Variants in DNAH2 observed in about 807,000 individuals in gnomAD.
DNAH2 encodes axonemal beta dynein heavy chain 2.
DNAH2 carries 323 observed loss-of-function variants against 523.5 expected under a neutral mutation model. The ratio of observed to expected loss-of-function variants is 0.62; its 90% CI spans 0.56 to 0.68. The LOEUF is 0.68. DNAH2 is among the 30% of genes least tolerant of loss of function. DNAH2 has a pLI of 0.00. For missense variants in DNAH2, 4,907 were observed against 5,701.5 expected (o/e 0.86, Z 4.49); for synonymous variants, 2,093 against 2,177.4 (o/e 0.96, Z 1.08).
chr17:7,780,607 C>T lies in DNAH2; in HGVS notation c.5851-23C>T. ...GGATTTGTGGGGAGATGGACTGTTT[C>T]CTCCTCTGTTTTGGTTCCCCAGATT... On this transcript the variant is annotated intron_variant, in intron 37 of 85. Transcript: ENST00000572933. This position sits in a 1 kb window ranked among gnomAD's most constrained non-coding sequence, Gnocchi z 4.4. 1 of 1,612,586 alleles carries T rather than the reference C, an allele frequency of 6.2e-7. No homozygotes were observed. Among genetic ancestry groups the T allele is most frequent in the Non-Finnish European group, 8.5e-7 (1 of 1,179,298 alleles).
intron 14 of DNAH2, 26 bp downstream of exon 14, chr17:7,758,677 A>G: frequency 2.5e-6 from 4 of 1,599,794 alleles, no homozygotes; most frequent in East Asian, 2.2e-5. Context: ...TAGACCCTAA[A>G]GGTCTGCAAG....
chr17:7,830,542 T>C (rs1388196554), intron 78 of DNAH2, 51 bp downstream of exon 78: 1 of 1,606,932 alleles, frequency 6.2e-7, no homozygotes, highest in South Asian at 1.1e-5. Flanking sequence ...TTACACGTCC[T>C]ACCCCATGGC....
Position 7,761,509 on chromosome 17 carries a change from A to C in DNAH2, c.2978+577A>C, listed in dbSNP as rs191938544. On this transcript the variant is annotated intron_variant, in intron 18 of 85. Coordinates refer to ENST00000572933, the MANE Select transcript of DNAH2 (RefSeq NM_020877.5). ...GAAGAAAATCTTTTTTTTTTTTTCAAATATTTTTTTTTGAGACAGAGTCTC... is the reference window on the plus strand; with the variant it reads ...GAAGAAAATCTTTTTTTTTTTTTCACATATTTTTTTTTGAGACAGAGTCTC... 6.8e-4 allele frequency among the ~76,000 whole-genome samples: 103 copies of C among 150,744 alleles called. 1 individual carries two copies. The highest frequency in any genetic ancestry group is 2.3e-3 in the African/African-American group (95 of 41,054).
chr17:7,778,331 C>T lies in DNAH2; in HGVS notation c.5403C>T (p.Pro1801=), dbSNP rs764968232. Residue 1801 remains proline (P), a synonymous_variant, in exon 35 of 86, where the codon CCC becomes CCT. Transcript: ENST00000572933. ...TALHLHRGGS[P]KGPAGTGKTE... ...TGCACCTGCACCGAGGGGGCTCCCC[C>T]AAAGGCCCTGCAGGCACAGGCAAGA... The T allele has an allele frequency of 1.9e-6, 3 of 1,614,204 alleles. No individual in the cohort carries two copies. The highest frequency in any genetic ancestry group is 2.5e-6 in the Non-Finnish European group (3 of 1,180,036).
intron 49 of DNAH2, among the ~76,000 whole-genome samples, chr17:7,795,016 C>T (rs2077024009): frequency 6.6e-6 from 1 of 151,936 alleles, no homozygotes. Flanking sequence ...CAGCCTCCCA[C>T]CACACTTGGC....
At chr17:7,812,767 C>CAAAAA (rs59534940) in intron 63 of DNAH2, among the ~76,000 whole-genome samples, 2 of 23,820 alleles carry the variant, frequency 8.4e-5, no homozygotes, top group African/African-American at 1.8e-4. Flanking sequence ...CTAAAAATAC[C>CAAAAA]AAAAAAAAAA....
chr17:7,759,384 C>T, intron 15 of DNAH2, 38 bp from the exon 16 acceptor site: 2 of 1,576,516 alleles, frequency 1.3e-6, no homozygotes, highest in South Asian at 2.3e-5. Flanking sequence ...CCCTGTCTTC[C>T]CTGAAAAGTT....
intron 4 of DNAH2, among the ~76,000 whole-genome samples, chr17:7,730,031 A>G (rs573474592): frequency 9.2e-5 from 14 of 152,200 alleles, no homozygotes; most frequent in Admixed American, 3.9e-4. Flanking sequence ...AAAGAGGAAC[A>G]AAGCATGCAA....
Position 7,817,791 on chromosome 17 carries a change from T to A in DNAH2, c.10171T>A (p.Trp3391Arg). ...CTCTGACCTGTACTCCCCTTCCAGGTGGGCACTGATGATCGACCCTCAGGC... is the reference window on the plus strand; with the variant it reads ...CTCTGACCTGTACTCCCCTTCCAGGAGGGCACTGATGATCGACCCTCAGGC... ...NGIIVTRGNRWALMIDPQAQA... is the reference protein window; with the variant it reads ...NGIIVTRGNRRALMIDPQAQA... Residue 3391 changes from tryptophan (W) to arginine (R), a missense_variant and splice_region_variant, in exon 67 of 86, where the codon TGG becomes AGG. Around this residue, in one of 3 missense-constraint regions of DNAH2, gnomAD observed 1,851 missense variants for 2,139.4 expected, o/e 0.87. Transcript: ENST00000572933. 6.2e-7 allele frequency: 1 copy of A among 1,613,930 alleles called. No homozygotes were observed. The highest frequency in any genetic ancestry group is 8.5e-7 in the Non-Finnish European group (1 of 1,179,986).
chr17:7,817,756 A>G (rs1424481454), intron 66 of DNAH2, 34 bp from the exon 67 acceptor site: 19 of 1,613,886 alleles, frequency 1.2e-5, no homozygotes, highest in Admixed American at 1.7e-5. Context: ...CATGGGAGAG[A>G]GGGCCTCACC....
chr17:7,737,327 TGC>T, intron 8 of DNAH2, 69 bp downstream of exon 8: 14 of 1,508,604 alleles, frequency 9.3e-6, no homozygotes, highest in Non-Finnish European at 1.3e-5. Context: ...GCAGGGGGAA[TGC>T]ATTCGGCAGA....
chr17:7,817,838 G>GA lies in DNAH2; in HGVS notation c.10220dup (p.Asn3407LysfsTer67). On this transcript the variant is annotated frameshift_variant, in exon 67 of 86. Transcript: ENST00000572933. LOFTEE classifies it high-confidence loss of function. ...AGGCCCAGGCCCTGAAATGGATTAA[G>GA]AACATGGAAGGAGGCCAGGTGTGAG... The GA allele has an allele frequency of 6.2e-7, 1 of 1,614,048 alleles. No homozygotes were observed. The highest frequency in any genetic ancestry group is 1.7e-5 in the Admixed American group (1 of 60,022).
chr17:7,758,606 G>A lies in DNAH2; in HGVS notation c.2163G>A (p.Gly721=), dbSNP rs540036564. 1.9e-5 allele frequency: 30 copies of A among 1,614,106 alleles called. No individual in the cohort carries two copies. The highest frequency in any genetic ancestry group is 1.1e-4 in the South Asian group (10 of 91,052). The change falls in exon 14 of 86, where the codon GGG becomes GGA. Residue 721 remains glycine (G), a synonymous_variant. Transcript: ENST00000572933. ...AGAAACTGCACTGGGCCTTGAAGGG[G>A]GCCAGTGCCTTCTTCATCACGGAGT... The part of the protein sequence containing the change: ...GLKKLHWALK[G]ASAFFITECR...
rs2076541584 is a variant in DNAH2, at chr17:7,779,304, T to A, written c.5603T>A (p.Val1868Glu). The A allele has an allele frequency of 6.2e-7, 1 of 1,614,156 alleles. No homozygotes were observed. Among genetic ancestry groups the A allele is most frequent in the East Asian group, 2.2e-5 (1 of 44,874 alleles). The change falls in exon 36 of 86, where the codon GTG becomes GAG. Residue 1868 changes from valine to glutamate, a missense_variant. Val to Glu is a moderately radical substitution (Grantham distance 121). Transcript: ENST00000572933. Reference sequence around the variant, plus strand: ...ATCAACATCGAGGTGCTGTCAGTGGTGGCCCACCAGATCCTGTGCATCCTG... The same window carrying A: ...ATCAACATCGAGGTGCTGTCAGTGGAGGCCCACCAGATCCTGTGCATCCTG... ...NRINIEVLSV[V>E]AHQILCILSA...
intron 1 of DNAH2, among the ~76,000 whole-genome samples, chr17:7,719,060 C>G (rs1222113134): frequency 2.0e-5 from 3 of 151,102 alleles, no homozygotes. Flanking sequence ...TCCTGATTAT[C>G]TTATGTTCTC....
chr17:7,724,427 T>C (rs576962994), intron 3 of DNAH2, among the ~76,000 whole-genome samples: 1 of 152,240 alleles, frequency 6.6e-6, no homozygotes, highest in South Asian at 2.1e-4. Context: ...GAGACCAGCC[T>C]GGCCAACATA....
chr17:7,755,511 G>A (rs567374945), intron 12 of DNAH2, among the ~76,000 whole-genome samples: 2 of 152,324 alleles, frequency 1.3e-5, no homozygotes, highest in African/African-American at 2.4e-5. Flanking sequence ...GTCTGTGGAG[G>A]AGGAAGTGAA....
rs1252303318 is a variant in DNAH2 at position 7,821,754 on chromosome 17, T to C, written c.11142+385T>C. On this transcript the variant is annotated intron_variant, in intron 73 of 85. Coordinates refer to ENST00000572933, the MANE Select transcript of DNAH2 (RefSeq NM_020877.5). The surrounding 1 kb of genome is among the most constrained non-coding windows in gnomAD (Gnocchi z 5.0). ...TCTCTGTCGCATCTACCGCTCTGGC[T>C]AGATCCAGCTCCTCTTCCCCTCTGT... Among the ~76,000 whole-genome samples, 1 of 152,144 alleles carries C rather than the reference T, an allele frequency of 6.6e-6. No individual in the cohort carries two copies.
In DNAH2 at chr17:7,760,477, A is replaced by G. The variant is rs2075975486; in HGVS notation, c.2786-263A>G. ...TGGGATTTGGGATGGGAGATGAGGA[A>G]AGACAAGCTTGGGACTGGGACTGGG... is the stretch of plus-strand genomic sequence containing the variant. On this transcript the variant is annotated intron_variant, in intron 17 of 85. Coordinates refer to ENST00000572933, the MANE Select transcript of DNAH2 (RefSeq NM_020877.5). The surrounding 1 kb of genome is among the most constrained non-coding windows in gnomAD (Gnocchi z 4.0). 6.6e-6 allele frequency among the ~76,000 whole-genome samples: 1 copy of G among 152,100 alleles called. No individual in the cohort carries two copies. The highest frequency in any genetic ancestry group is 6.5e-5 in the Admixed American group (1 of 15,270).
Sources: gnomAD v4.1 joint callset for allele counts (sites outside exome capture counted in the v4.1 genomes callset) on GRCh38, gnomAD v4.1.1 for gene constraint, gnomAD v4.1.1 regional missense constraint, Gnocchi (gnomAD v3.1) non-coding constraint, MANE v1.5 for transcripts, NCBI Gene and HGNC (gene_info 2026-07-23, HGNC 2026-07-21) for gene names.